Variants in ATP13A4 observed in about 807,000 individuals in gnomAD.
ATP13A4 encodes ATPase 13A4.
ATP13A4 carries 114 observed loss-of-function variants against 142.5 expected under a neutral mutation model. The ratio of observed to expected loss-of-function variants is 0.80; its 90% CI spans 0.69 to 0.93. The LOEUF (loss-of-function observed/expected upper bound fraction) is 0.93, where lower values mean the gene tolerates loss of function less well. ATP13A4 is among the 40% of genes least tolerant of loss of function. The pLI is 0.00. For missense variants in ATP13A4, 1,392 were observed against 1,454.0 expected (o/e 0.96, Z 0.69); for synonymous variants, 488 against 514.8 (o/e 0.95, Z 0.70).
intron 26 of ATP13A4, among the ~76,000 whole-genome samples, chr3:193,414,183 T>C (rs1175112435): frequency 6.6e-6 from 1 of 152,220 alleles, no homozygotes; most frequent in Non-Finnish European, 1.5e-5. Flanking sequence ...AATTTGTAAG[T>C]GAGTTGAATA....
chr3:193,408,932 A>G (rs1714636675), intron 28 of ATP13A4, among the ~76,000 whole-genome samples: 2 of 152,228 alleles, frequency 1.3e-5, no homozygotes, highest in Non-Finnish European at 2.9e-5. Flanking sequence ...TGTCATCTAC[A>G]TCTCAGAAGA....
chr3:193,414,857 CTG>C, intron 25 of ATP13A4, 107 bp from the exon 26 acceptor site: 1 of 1,051,110 alleles, frequency 9.5e-7, no homozygotes, highest in Non-Finnish European at 1.5e-6. Flanking sequence ...AATGGACAAA[CTG>C]GAGTACATCA....
intron 1 of ATP13A4, among the ~76,000 whole-genome samples, chr3:193,542,776 A>G (rs1410546078): frequency 6.6e-6 from 1 of 152,246 alleles, no homozygotes; most frequent in Non-Finnish European, 1.5e-5. Context: ...GGCTAGCCAT[A>G]TGCAGAAAAT....
At position 193,541,248 on chromosome 3, in the gene ATP13A4, C is replaced by CAAAAAAAAAAAAAAAAA. The variant is rs71179308; in HGVS notation, c.60+13475_60+13491dup. Among the ~76,000 whole-genome samples, 28 of 51,280 alleles carry CAAAAAAAAAAAAAAAAA rather than the reference C, an allele frequency of 5.5e-4. 1 individual carries two copies. The highest frequency in any genetic ancestry group is 6.8e-4 in the South Asian group (1 of 1,462). The allele number at this position is 51,280 out of a possible 152,430, so 33.6% of individuals were successfully genotyped here. A position where few individuals can be genotyped will look rare whatever the true frequency, so the allele number is the denominator to read the frequency against. On this transcript the variant is annotated intron_variant, in intron 1 of 29. Transcript: ENST00000342695. ...TGGGCGACAGAGCGAGACTCCTTCT[C>CAAAAAAAAAAAAAAAAA]AAAAAAAAAAAAAAAAAAAAAATCA...
At chr3:193,412,450 CCAAA>C in intron 26 of ATP13A4, 79 bp from the exon 27 acceptor site, 2 of 1,350,848 alleles carry the variant, frequency 1.5e-6, no homozygotes, top group Non-Finnish European at 2.1e-6. Context: ...AGATTCCATA[CCAAA>C]CAGTGTCCAG....
At chr3:193,415,177 G>A (rs1041797152) in intron 25 of ATP13A4, among the ~76,000 whole-genome samples, 1 of 152,066 alleles carries the variant, frequency 6.6e-6, no homozygotes. Context: ...TCAGAGATGT[G>A]AAAAAATATT....
chr3:193,508,567 A>G (rs184951933), intron 2 of ATP13A4, among the ~76,000 whole-genome samples: 10 of 152,368 alleles, frequency 6.6e-5, no homozygotes, highest in African/African-American at 2.2e-4. Flanking sequence ...ATCGTAATAT[A>G]AATGGCCCTG....
intron 18 of ATP13A4, among the ~76,000 whole-genome samples, chr3:193,443,474 G>C (rs1716772506): frequency 6.6e-6 from 1 of 152,000 alleles, no homozygotes; most frequent in African/African-American, 2.4e-5. Context: ...CAACAGGAAA[G>C]ATAGAACTTA....
chr3:193,493,031 C>T, intron 4 of ATP13A4, 34 bp from the exon 5 acceptor site: 1 of 1,601,944 alleles, frequency 6.2e-7, no homozygotes, highest in Non-Finnish European at 8.5e-7. Flanking sequence ...ACATATTTAG[C>T]AATAATATTT....
chr3:193,448,025 C>T (rs1304199794), intron 18 of ATP13A4, among the ~76,000 whole-genome samples, 181 bp downstream of exon 18: 1 of 152,214 alleles, frequency 6.6e-6, no homozygotes, highest in Non-Finnish European at 1.5e-5. Flanking sequence ...TTGATCTTCT[C>T]TCATTCCACT....
chr3:193,464,784 A>G (rs555736310), intron 12 of ATP13A4, among the ~76,000 whole-genome samples, 156 bp downstream of exon 12: 5 of 152,294 alleles, frequency 3.3e-5, no homozygotes, highest in Admixed American at 6.5e-5. Flanking sequence ...CGAGCTCAAG[A>G]GACATATCTT....
chr3:193,433,339 A>G (rs1381546620), intron 25 of ATP13A4, among the ~76,000 whole-genome samples: 2 of 152,210 alleles, frequency 1.3e-5, no homozygotes, highest in Non-Finnish European at 2.9e-5. Flanking sequence ...AAAGTCAAAA[A>G]TAAAAAAATT....
intron 3 of ATP13A4, among the ~76,000 whole-genome samples, chr3:193,501,628 C>G (rs1720547267): frequency 6.7e-6 from 1 of 148,510 alleles, no homozygotes; most frequent in Non-Finnish European, 1.5e-5. Context: ...TAACAATTGA[C>G]AATAGGAAAA....
In ATP13A4 at chr3:193,442,462, G is replaced by T; in HGVS notation, c.2247C>A (p.Thr749=). Residue 749 remains threonine, a synonymous_variant, in exon 19 of 30, where the codon ACC becomes ACA. Coordinates refer to ENST00000342695, the MANE Select transcript of ATP13A4 (RefSeq NM_032279.4). Reference sequence around the variant, plus strand: ...AAGATATAGATGCTGATGAGGACCCGGTGGTTTCATTTGCCTCAATGAGAA... The same window carrying T: ...AAGATATAGATGCTGATGAGGACCCTGTGGTTTCATTTGCCTCAATGAGAA... ...KVILIEANET[T]GSSSASISWT... 6.2e-7 allele frequency: 1 copy of T among 1,613,934 alleles called. No homozygotes were observed. The highest frequency in any genetic ancestry group is 8.5e-7 in the Non-Finnish European group (1 of 1,179,824).
rs199728083 is a variant in ATP13A4, at chr3:193,535,624, G to A, written c.60+19116C>T. ...ACAATAATCTAAGTTCCCCTCTCAA[G>A]AACCTAGAAGAAGAGCAAAATAGCC... On this transcript the variant is annotated intron_variant, in intron 1 of 29. Transcript: ENST00000342695. Among the ~76,000 whole-genome samples the A allele has an allele frequency of 1.2e-4, 19 of 152,038 alleles. No homozygotes were observed. The East Asian group carries it at 3.7e-3, about 29-fold the overall frequency.
intron 1 of ATP13A4, among the ~76,000 whole-genome samples, chr3:193,539,125 G>A (rs1025217845): frequency 7.9e-5 from 12 of 152,034 alleles, no homozygotes; most frequent in African/African-American, 2.9e-4. Context: ...CACCCACCCT[G>A]GCCTCCCAAA....
At chr3:193,474,189 C>T (rs532104506) in intron 8 of ATP13A4, among the ~76,000 whole-genome samples, 5 of 151,656 alleles carry the variant, frequency 3.3e-5, no homozygotes, top group African/African-American at 7.3e-5. Context: ...CATGGTGGCA[C>T]GTGCCTGTAG....
intron 2 of ATP13A4, among the ~76,000 whole-genome samples, chr3:193,561,840 C>A (rs1352632694): frequency 1.3e-5 from 2 of 152,202 alleles, no homozygotes; most frequent in African/African-American, 4.8e-5. Flanking sequence ...CAATGGAGGT[C>A]TTTGGGGGCT....
intron 2 of ATP13A4, among the ~76,000 whole-genome samples, chr3:193,570,958 A>G (rs1724247828): frequency 6.6e-6 from 1 of 152,214 alleles, no homozygotes; most frequent in African/African-American, 2.4e-5. Flanking sequence ...AAATTTGGCC[A>G]GACATGGTTG....
Sources: allele counts gnomAD v4.1 joint callset (sites outside exome capture counted in the v4.1 genomes callset), GRCh38; gene constraint gnomAD v4.1.1; transcripts MANE v1.5; gene names NCBI Gene and HGNC (gene_info 2026-07-23, HGNC 2026-07-21).